SEC14L1: variants seen among roughly 807,000 people sequenced by gnomAD.
The protein encoded by SEC14L1 is SEC14 like lipid binding 1, also known as SEC14-like protein 1.
In SEC14L1, 48 loss-of-function variants were observed where a neutral mutation model predicts 85.3. The observed-to-expected ratio is 0.56, with a 90% CI of 0.45 to 0.72. SEC14L1 has a LOEUF of 0.72. Ranked by LOEUF, SEC14L1 falls within the 30% of genes least tolerant of loss-of-function variation. SEC14L1 has a pLI of 0.00. For missense variants in SEC14L1, 682 were observed against 921.4 expected (o/e 0.74, Z 3.36); for synonymous variants, 391 against 355.5 (o/e 1.10, Z -1.12).
chr17:77,206,610 G>A lies in SEC14L1; in HGVS notation c.1342-118G>A. 1 of 1,303,124 alleles carries A rather than the reference G, an allele frequency of 7.7e-7. No individual in the cohort carries two copies. Among genetic ancestry groups the A allele is most frequent in the Non-Finnish European group, 1.1e-6 (1 of 940,894 alleles). The allele number at this position is 1,303,124 out of a possible 1,614,324, so 80.7% of individuals were successfully genotyped here. A position where few individuals can be genotyped will look rare whatever the true frequency, so the allele number is the denominator to read the frequency against. On this transcript the variant is annotated intron_variant, in intron 12 of 16. Transcript: ENST00000436233. This position sits in a 1 kb window ranked among gnomAD's most constrained non-coding sequence, Gnocchi z 4.3. Reference sequence around the variant, plus strand: ...CATGCAAATAGACTTTACAGAAGAAGTATATAAACTTGAATGTCTTCCCCC... The same window carrying A: ...CATGCAAATAGACTTTACAGAAGAAATATATAAACTTGAATGTCTTCCCCC...
chr17:77,100,414 T>TTC (rs202122435), intron 3 of SEC14L1, among the ~76,000 whole-genome samples: 2 of 77,380 alleles, frequency 2.6e-5, no homozygotes, highest in Non-Finnish European at 4.6e-5. Context: ...TTTCTTTTCT[T>TTC]TCTCTCTCTC....
intron 4 of SEC14L1, 34 bp from the exon 5 acceptor site, chr17:77,191,147 A>G: frequency 6.2e-7 from 1 of 1,600,462 alleles, no homozygotes; most frequent in South Asian, 1.1e-5. Flanking sequence ...GGTTGTTATT[A>G]ATAAACCCAT....
intron 3 of SEC14L1, among the ~76,000 whole-genome samples, chr17:77,122,329 G>A (rs1405452478): frequency 2.7e-5 from 4 of 147,812 alleles, no homozygotes; most frequent in Non-Finnish European, 5.9e-5. Context: ...TTGAGACAGC[G>A]TCTCACTCTG....
upstream of SEC14L1, chr17:77,140,662 C>G (rs866861588): frequency 6.6e-6 from 1 of 151,964 alleles, no homozygotes. Context: ...CTCGCGAAGC[C>G]CAGCCCGGCC....
At position 77,171,603 on chromosome 17, in the gene SEC14L1, T is replaced by C. The variant is rs539477028; in HGVS notation, c.64-19200T>C. ...GACTAAGTTACTGTTAATGAGGCCTTGCTCTGTTCAAATTTTTCCAAGGTG... is the reference window on the plus strand; with the variant it reads ...GACTAAGTTACTGTTAATGAGGCCTCGCTCTGTTCAAATTTTTCCAAGGTG... On this transcript the variant is annotated intron_variant, in intron 3 of 16. Transcript: ENST00000436233. Among the ~76,000 whole-genome samples, 23 of 152,364 alleles carry C rather than the reference T, an allele frequency of 1.5e-4. No individual in the cohort carries two copies. The East Asian group carries it at 4.4e-3, about 29-fold the overall frequency.
chr17:77,192,482 C>G (rs1245926643), intron 5 of SEC14L1, among the ~76,000 whole-genome samples: 1 of 152,190 alleles, frequency 6.6e-6, no homozygotes, highest in Non-Finnish European at 1.5e-5. Flanking sequence ...TACGCCTTTC[C>G]TGTCCTTGCT....
intron 3 of SEC14L1, among the ~76,000 whole-genome samples, chr17:77,157,530 CTT>C (rs370936192): frequency 9.7e-5 from 14 of 144,292 alleles, no homozygotes; most frequent in Admixed American, 1.4e-4. Flanking sequence ...TCTATTATAA[CTT>C]TTTTTTTTTT....
intron 2 of SEC14L1, among the ~76,000 whole-genome samples, chr17:77,090,358 T>G (rs1013183312): frequency 6.6e-6 from 1 of 150,954 alleles, no homozygotes; most frequent in East Asian, 2.0e-4. Flanking sequence ...CGTAAGAACA[T>G]ATATCCCAAG....
At chr17:77,188,669 A>T (rs1975383447) in intron 3 of SEC14L1, among the ~76,000 whole-genome samples, 1 of 152,102 alleles carries the variant, frequency 6.6e-6, no homozygotes, top group Non-Finnish European at 1.5e-5. Flanking sequence ...CCAGGAGTGC[A>T]TTTGTTGGGT....
At chr17:77,175,019 G>A (rs939394750) in intron 3 of SEC14L1, among the ~76,000 whole-genome samples, 1 of 152,208 alleles carries the variant, frequency 6.6e-6, no homozygotes, top group African/African-American at 2.4e-5. Flanking sequence ...AAGAGAAAGA[G>A]GGGATAGGAG....
In SEC14L1 at chr17:77,200,592, G is replaced by T; in HGVS notation, c.928G>T (p.Val310Leu). The T allele has an allele frequency of 2.5e-6, 4 of 1,614,156 alleles. No homozygotes were observed. Among genetic ancestry groups the T allele is most frequent in the Non-Finnish European group, 3.4e-6 (4 of 1,180,008 alleles). Reference sequence around the variant, plus strand: ...TTTGACGTGGAGAAAGCAGCATCAGGTAGACTACATTCTTGAAACCTGGAC... The same window carrying T: ...TTTGACGTGGAGAAAGCAGCATCAGTTAGACTACATTCTTGAAACCTGGAC... The part of the protein sequence containing the change: ...QSLTWRKQHQ[V>L]DYILETWTPP... Residue 310 changes from valine to leucine, a missense_variant, in exon 9 of 17, where the codon GTA becomes TTA. Coordinates refer to ENST00000436233, the MANE Select transcript of SEC14L1 (RefSeq NM_001143998.2).
chr17:77,162,843 T>A (rs908944354), intron 3 of SEC14L1, among the ~76,000 whole-genome samples: 5 of 138,040 alleles, frequency 3.6e-5, no homozygotes, highest in African/African-American at 5.4e-5. Context: ...AAAAAAAAAA[T>A]GTGTTGTGGA....
chr17:77,213,440 C>T lies in SEC14L1; in HGVS notation c.1990C>T (p.His664Tyr), dbSNP rs745423119. 6.2e-7 allele frequency: 1 copy of T among 1,612,962 alleles called. No individual in the cohort carries two copies. The highest frequency in any genetic ancestry group is 8.5e-7 in the Non-Finnish European group (1 of 1,180,030). Residue 664 changes from histidine to tyrosine, a missense_variant, in exon 16 of 17, where the codon CAC becomes TAC. This residue lies in a region of SEC14L1 where 420 missense variants were observed against 619.5 expected (regional missense o/e 0.68). Transcript: ENST00000436233. This position sits in a 1 kb window ranked among gnomAD's most constrained non-coding sequence, Gnocchi z 7.1. ...GCTTGCGTCCCTGCAGGTCTCTTCG[C>T]ACAAGTGTAAAGTGATGTACTACAC... The part of the protein sequence containing the change: ...DVLASLQVSS[H>Y]KCKVMYYTEV...
intron 3 of SEC14L1, among the ~76,000 whole-genome samples, chr17:77,161,312 C>A (rs1285774569): frequency 6.6e-6 from 1 of 152,124 alleles, no homozygotes; most frequent in Non-Finnish European, 1.5e-5. Flanking sequence ...CATGGTGAAA[C>A]CCTGTCTGTA....
intron 3 of SEC14L1, among the ~76,000 whole-genome samples, chr17:77,115,178 C>T (rs1275388677): frequency 6.6e-6 from 1 of 151,730 alleles, no homozygotes; most frequent in African/African-American, 2.4e-5. Context: ...TGCCTGTAAT[C>T]CCAGCACTTT....
intron 3 of SEC14L1, among the ~76,000 whole-genome samples, chr17:77,161,563 A>T (rs1464171587): frequency 2.6e-5 from 4 of 152,200 alleles, no homozygotes; most frequent in African/African-American, 9.7e-5. Context: ...AGGGGGAAAA[A>T]GTAACTGGTC....
In SEC14L1 at chr17:77,125,123, G is replaced by A. The variant is rs574775080; in HGVS notation, c.-135-17523G>A. Among the ~76,000 whole-genome samples the A allele has an allele frequency of 1.6e-4, 25 of 151,804 alleles. 1 individual carries two copies. The East Asian group carries it at 4.5e-3, about 27-fold the overall frequency. On this transcript the variant is annotated intron_variant, in intron 3 of 19. Transcript: ENST00000392476. ...GGGTTCAAGCGATTCTCCTGCCTCA[G>A]CCTCCCAAGCAGCTGGGACTACAGG...
At chr17:77,165,841 G>A (rs1974257869) in intron 3 of SEC14L1, among the ~76,000 whole-genome samples, 2 of 152,186 alleles carry the variant, frequency 1.3e-5, no homozygotes, top group African/African-American at 2.4e-5. Context: ...TTAGGGTCAT[G>A]AGTGAGATAA....
At chr17:77,122,336 T>C (rs1467805918) in intron 3 of SEC14L1, among the ~76,000 whole-genome samples, 1 of 151,492 alleles carries the variant, frequency 6.6e-6, no homozygotes, top group African/African-American at 2.4e-5. Context: ...AGCGTCTCAC[T>C]CTGTCACCCA....
Sources: allele counts gnomAD v4.1 joint callset (sites outside exome capture counted in the v4.1 genomes callset), GRCh38; gene constraint gnomAD v4.1.1; regional missense constraint gnomAD v4.1.1; non-coding constraint Gnocchi (gnomAD v3.1); transcripts MANE v1.5; gene names NCBI Gene and HGNC (gene_info 2026-07-23, HGNC 2026-07-21).